Variants in PTPRT observed in about 807,000 individuals in gnomAD.
The protein encoded by PTPRT is protein tyrosine phosphatase receptor type T.
PTPRT carries 56 observed loss-of-function variants against 176.8 expected under a neutral mutation model. The observed-to-expected ratio is 0.32, with a 90% CI of 0.26 to 0.40. The LOEUF is 0.40. Among genes scored for constraint, PTPRT ranks in the 10% least tolerant of loss-of-function variants. The pLI is 1.00. For synonymous variants in PTPRT, 783 were observed against 739.0 expected, an observed-to-expected ratio of 1.06 and a Z score of -0.96; for missense variants, 1,540 against 1,908.2, an observed-to-expected ratio of 0.81 and a Z score of 3.60.
chr20:42,369,118 G>A (rs184738015), intron 9 of PTPRT, among the ~76,000 whole-genome samples: 17 of 137,766 alleles, frequency 1.2e-4, no homozygotes, highest in Admixed American at 7.1e-4. Flanking sequence ...CCATCCATCC[G>A]TCCGTCCATC....
Position 42,782,190 on chromosome 20 carries a change from C to T in PTPRT, c.487-1891G>A, listed in dbSNP as rs117266293. ...TATTCTTGTTATTTTTCTCATAAAT[C>T]TGGCACTGTTCAATGCCTGGGAGGT... On this transcript the variant is annotated intron_variant, in intron 3 of 30. Coordinates refer to ENST00000373187, the MANE Select transcript of PTPRT (RefSeq NM_007050.6). Among the ~76,000 whole-genome samples, 186 of 152,286 alleles carry T rather than the reference C, an allele frequency of 1.2e-3. 2 individuals carry two copies. The highest frequency in any genetic ancestry group is 2.2e-3 in the Non-Finnish European group (152 of 68,022).
At chr20:42,934,167 G>A (rs897494155) in intron 1 of PTPRT, among the ~76,000 whole-genome samples, 2 of 152,144 alleles carry the variant, frequency 1.3e-5, no homozygotes, top group Non-Finnish European at 2.9e-5. Context: ...TTGCTAACAG[G>A]GTCTCAGGCA....
chr20:42,135,967 G>T (rs1010310469), intron 18 of PTPRT, among the ~76,000 whole-genome samples: 2 of 151,878 alleles, frequency 1.3e-5, no homozygotes, highest in African/African-American at 2.4e-5. Context: ...CTCCAACATT[G>T]GTCCTCATCC....
chr20:43,173,843 T>C (rs2015063392), intron 1 of PTPRT, among the ~76,000 whole-genome samples: 1 of 152,222 alleles, frequency 6.6e-6, no homozygotes, highest in Non-Finnish European at 1.5e-5. Context: ...AGACAGTCTC[T>C]CTCTCCTGTA....
intron 1 of PTPRT, among the ~76,000 whole-genome samples, chr20:43,119,076 A>G (rs1421611839): frequency 7.9e-5 from 12 of 152,248 alleles, no homozygotes; most frequent in Admixed American, 2.6e-4. Flanking sequence ...AGCAAATTAC[A>G]ATATAACCTT....
chr20:42,374,903 C>G (rs573669788), intron 9 of PTPRT, among the ~76,000 whole-genome samples: 2 of 152,078 alleles, frequency 1.3e-5, no homozygotes, highest in Non-Finnish European at 1.5e-5. Flanking sequence ...AGCAGAATCA[C>G]AGCAAAACAA....
intron 2 of PTPRT, among the ~76,000 whole-genome samples, chr20:42,803,521 A>G (rs1434980390): frequency 6.6e-6 from 1 of 152,200 alleles, no homozygotes; most frequent in East Asian, 1.9e-4. Context: ...GCACTGTAGC[A>G]TGGGTCCAGA....
intron 2 of PTPRT, among the ~76,000 whole-genome samples, chr20:42,806,593 G>A (rs546418703): frequency 1.3e-5 from 2 of 151,908 alleles, no homozygotes; most frequent in Admixed American, 1.3e-4. Context: ...TTTCCATAAA[G>A]GGCCAGAGAG....
intron 7 of PTPRT, among the ~76,000 whole-genome samples, chr20:42,521,858 T>C (rs1338611211): frequency 6.6e-6 from 1 of 152,266 alleles, no homozygotes. Flanking sequence ...TTTTCTTTCC[T>C]TTTTGTATGA....
chr20:42,048,809 G>GT, the PTPRT span, among the ~76,000 whole-genome samples: 307 of 152,002 alleles, frequency 2.0e-3, 2 homozygotes, highest in African/African-American at 7.1e-3. Flanking sequence ...ATACTACTAA[G>GT]TTTTTTTTGT....
At chr20:42,373,898 T>A (rs1394122732) in intron 9 of PTPRT, among the ~76,000 whole-genome samples, 2 of 152,106 alleles carry the variant, frequency 1.3e-5, no homozygotes, top group Non-Finnish European at 2.9e-5. Flanking sequence ...AAGATGCCAA[T>A]GAAGCACCTC....
intron 15 of PTPRT, among the ~76,000 whole-genome samples, chr20:42,227,474 C>T (rs915881698): frequency 2.0e-5 from 3 of 152,032 alleles, no homozygotes; most frequent in Middle Eastern, 3.2e-3. Flanking sequence ...CTTTGCCTAC[C>T]GATTGGGGTC....
At chr20:42,329,498 C>T (rs201765257) in intron 11 of PTPRT, among the ~76,000 whole-genome samples, 17,845 of 140,698 alleles carry the variant, frequency 0.13, 1,373 homozygotes, top group African/African-American at 0.24. Context: ...CACACACACA[C>T]ACACATACAC....
At chr20:42,457,771 A>C (rs1343066727) in intron 8 of PTPRT, among the ~76,000 whole-genome samples, 1 of 152,108 alleles carries the variant, frequency 6.6e-6, no homozygotes, top group Non-Finnish European at 1.5e-5. Context: ...AGGTGTTTTG[A>C]GGGGCAGCCT....
chr20:42,270,627 TA>T (rs2056918928), intron 13 of PTPRT, among the ~76,000 whole-genome samples: 1 of 151,804 alleles, frequency 6.6e-6, no homozygotes, highest in Non-Finnish European at 1.5e-5. Context: ...GAAATAGATT[TA>T]AAAAAAATGA....
chr20:42,969,847 A>G (rs1204199595), intron 1 of PTPRT, among the ~76,000 whole-genome samples: 1 of 152,192 alleles, frequency 6.6e-6, no homozygotes, highest in Admixed American at 6.5e-5. Flanking sequence ...AATATGGTAC[A>G]TTTACTATAT....
At chr20:42,892,597 G>A (rs2079213864) in intron 1 of PTPRT, among the ~76,000 whole-genome samples, 1 of 152,114 alleles carries the variant, frequency 6.6e-6, no homozygotes, top group South Asian at 2.1e-4. Flanking sequence ...TTTGATGAAC[G>A]TGGCTGGAGA....
intron 8 of PTPRT, among the ~76,000 whole-genome samples, chr20:42,459,868 T>C (rs1355025932): frequency 6.6e-6 from 1 of 152,126 alleles, no homozygotes; most frequent in Non-Finnish European, 1.5e-5. Context: ...TCACCTGCCT[T>C]GGCCTCTCAA....
downstream of PTPRT, among the ~76,000 whole-genome samples, chr20:42,068,106 C>T (rs1405037435): frequency 6.6e-6 from 1 of 152,114 alleles, no homozygotes; most frequent in Non-Finnish European, 1.5e-5. Context: ...AGCCTCCAGG[C>T]CCCTATCAGT....
Sources: allele counts gnomAD v4.1 joint callset (sites outside exome capture counted in the v4.1 genomes callset), GRCh38; gene constraint gnomAD v4.1.1; transcripts MANE v1.5; gene names NCBI Gene and HGNC (gene_info 2026-07-23, HGNC 2026-07-21).